UQCC3: variants seen among roughly 807,000 people sequenced by gnomAD.
UQCC3 encodes ubiquinol-cytochrome-c reductase complex assembly factor 3.
Under a neutral mutation model 3.4 loss-of-function variants are expected in UQCC3, and 3 were observed. The observed-to-expected ratio is 0.88, with a 90% CI of 0.40 to 2.26. The LOEUF (loss-of-function observed/expected upper bound fraction) is 2.26, where lower values mean the gene tolerates loss of function less well. Among genes scored for constraint, UQCC3 ranks in the 30% most tolerant of loss-of-function variants. UQCC3 has a pLI of 0.05. For missense variants in UQCC3, 141 were observed against 123.0 expected (o/e 1.15, Z -0.69); for synonymous variants, 57 against 57.1 (o/e 1.00, Z 0.00).
Position 62,671,812 on chromosome 11 carries a change from G to A in UQCC3, c.67G>A (p.Ala23Thr). 6.2e-7 allele frequency: 1 copy of A among 1,614,106 alleles called. No homozygotes were observed. Among genetic ancestry groups the A allele is most frequent in the South Asian group, 1.1e-5 (1 of 91,082 alleles). ...GGGCGCAGGGGCTGGCGTGGGCTAC[G>A]CGCTCCTCGTTATCGTGACCCCGGG... Reference protein sequence around the residue: ...MLGAGAGVGYALLVIVTPGER... With the variant: ...MLGAGAGVGYTLLVIVTPGER... Residue 23 changes from alanine to threonine, a missense_variant, in exon 1 of 2, where the codon GCG (alanine) becomes ACG (threonine). Ala to Thr is a moderately conservative substitution (Grantham distance 58). Transcript: ENST00000377953.
Position 62,672,245 on chromosome 11 carries a change from G to GCAGC in UQCC3, c.*132_*133insAGCC. On this transcript the variant is annotated 3_prime_UTR_variant, in exon 2 of 2. Transcript: ENST00000377953. ...GCCAGGACTCTCCGGGGTCCTGTGA[G>GCAGC]CTGCCGTCGGGTGAGCACGTTTCCC... 1.0e-6 allele frequency: 1 copy of GCAGC among 970,896 alleles called. No individual in the cohort carries two copies. Among genetic ancestry groups the GCAGC allele is most frequent in the Admixed American group, 2.5e-5 (1 of 39,616 alleles). The allele number at this position is 970,896 out of a possible 1,614,324, so 60.1% of individuals were successfully genotyped here.
In UQCC3 at chr11:62,672,179, T is replaced by C; in HGVS notation, c.*65T>C. The C allele has an allele frequency of 1.4e-6, 2 of 1,480,576 alleles. No homozygotes were observed. The highest frequency in any genetic ancestry group is 2.5e-5 in the South Asian group (2 of 80,158). 91.7% of individuals were successfully genotyped at this position (1,480,576 alleles called of 1,614,324 possible). A position where few individuals can be genotyped will look rare whatever the true frequency, so the allele number is the denominator to read the frequency against. ...GCGCAGGAATCCGAGGCAGCCTTTC[T>C]CCTTCGTGGGCCCAGCGGAGAGTCC... On this transcript the variant is annotated 3_prime_UTR_variant, in exon 2 of 2. Transcript: ENST00000377953.
In UQCC3 at chr11:62,671,863, A is replaced by C. The variant is rs772608580; in HGVS notation, c.118A>C (p.Lys40Gln). Residue 40 changes from lysine to glutamine, a missense_variant and splice_region_variant, in exon 1 of 2, where the codon AAG becomes CAG. Coordinates refer to ENST00000377953, the MANE Select transcript of UQCC3 (RefSeq NM_001085372.3). ...PGERRKQEML[K>Q]EMPLQDPRSR... ...AGAGCGGCGGAAGCAGGAAATGCTA[A>C]AGGTAGAAGCAACTGGTAGTCCCGA... The C allele has an allele frequency of 1.2e-6, 2 of 1,614,010 alleles. No homozygotes were observed. Among genetic ancestry groups the C allele is most frequent in the Non-Finnish European group, 1.7e-6 (2 of 1,179,990 alleles).
chr11:62,672,722 C>G lies in UQCC3; in HGVS notation c.*608C>G, dbSNP rs955053796. The G allele has an allele frequency of 3.3e-5, 5 of 152,780 alleles. No individual in the cohort carries two copies. Among genetic ancestry groups the G allele is most frequent in the African/African-American group, 1.2e-4 (5 of 41,418 alleles). 9.5% of individuals were successfully genotyped at this position (152,780 alleles called of 1,614,324 possible). ...TTCACCATGTTGGCTAGACTGGTCT[C>G]GAACTCCAGACCCAGGTGATCCGCC... On this transcript the variant is annotated 3_prime_UTR_variant, in exon 2 of 2. Coordinates refer to ENST00000377953, the MANE Select transcript of UQCC3 (RefSeq NM_001085372.3).
Position 62,673,498 on chromosome 11 carries a change from G to A in UQCC3, c.*1384G>A, listed in dbSNP as rs563907139. On this transcript the variant is annotated 3_prime_UTR_variant, in exon 2 of 2. Transcript: ENST00000377953. ...AAATGTAAAGTGGTCCCCAATCTCT[G>A]GATCTGGTCAGGATTTATTGGAGCT... 6.6e-6 allele frequency: 1 copy of A among 152,090 alleles called. No homozygotes were observed. Among genetic ancestry groups the A allele is most frequent in the Non-Finnish European group, 1.5e-5 (1 of 68,018 alleles). 9.4% of individuals were successfully genotyped at this position (152,090 alleles called of 1,614,324 possible).
In UQCC3 at chr11:62,671,805, G is replaced by C; in HGVS notation, c.60G>C (p.Val20=). Residue 20 remains valine (V), a synonymous_variant, in exon 1 of 2, where the codon GTG becomes GTC. Transcript: ENST00000377953. ...SVAMLGAGAG[V]GYALLVIVTP... is the part of the protein sequence containing the mutation. ...CAATGCTGGGCGCAGGGGCTGGCGTGGGCTACGCGCTCCTCGTTATCGTGA... is the reference window on the plus strand; with the variant it reads ...CAATGCTGGGCGCAGGGGCTGGCGTCGGCTACGCGCTCCTCGTTATCGTGA... The C allele has an allele frequency of 6.2e-7, 1 of 1,614,124 alleles. No individual in the cohort carries two copies. The highest frequency in any genetic ancestry group is 8.5e-7 in the Non-Finnish European group (1 of 1,180,028).
Position 62,672,060 on chromosome 11 carries a change from G to A in UQCC3, c.228G>A (p.Trp76Ter), listed in dbSNP as rs571957899. The A allele has an allele frequency of 1.1e-5, 17 of 1,609,134 alleles. No homozygotes were observed. Among genetic ancestry groups the A allele is most frequent in the Non-Finnish European group, 1.4e-5 (17 of 1,178,096 alleles). ...CGACCACGCAGGAGAACGTGGCCTG[G>A]AGGAAGAACTGGATGGTTGGCGGCG... Reference protein sequence around the residue: ...EAATTQENVAWRKNWMVGGEG... With the variant: ...EAATTQENVA The change falls in exon 2 of 2, where the codon TGG (tryptophan) becomes TGA (stop). Residue 76 changes from tryptophan to a stop codon, truncating the protein, a stop_gained. Transcript: ENST00000377953. LOFTEE classifies it high-confidence loss of function.
chr11:62,672,372 C>T lies in UQCC3; in HGVS notation c.*258C>T, dbSNP rs1263246109. ...AAGAACCAATAAAATCATGTTCCTC[C>T]ACCCAGAATGAGCCCTGCAGTCGAC... is the stretch of plus-strand genomic sequence containing the variant. On this transcript the variant is annotated 3_prime_UTR_variant, in exon 2 of 2. Coordinates refer to ENST00000377953, the MANE Select transcript of UQCC3 (RefSeq NM_001085372.3). The T allele has an allele frequency of 5.6e-6, 3 of 535,952 alleles. No homozygotes were observed. In the East Asian group the frequency reaches 1.0e-4, roughly 18 times the overall value. The allele number at this position is 535,952 out of a possible 1,614,324, so 33.2% of individuals were successfully genotyped here. A position where few individuals can be genotyped will look rare whatever the true frequency, so the allele number is the denominator to read the frequency against.
chr11:62,672,380 A>C lies in UQCC3; in HGVS notation c.*266A>C. The C allele has an allele frequency of 5.9e-6, 3 of 511,382 alleles. No homozygotes were observed. Among genetic ancestry groups the C allele is most frequent in the Non-Finnish European group, 1.1e-5 (3 of 282,414 alleles). 31.7% of individuals were successfully genotyped at this position (511,382 alleles called of 1,614,324 possible). On this transcript the variant is annotated 3_prime_UTR_variant, in exon 2 of 2. Transcript: ENST00000377953. ...ATAAAATCATGTTCCTCCACCCAGA[A>C]TGAGCCCTGCAGTCGACACCTACCA...
chr11:62,672,227 C>A lies in UQCC3; in HGVS notation c.*113C>A. 1 of 1,136,552 alleles carries A rather than the reference C, an allele frequency of 8.8e-7. No homozygotes were observed. The highest frequency in any genetic ancestry group is 1.2e-6 in the Non-Finnish European group (1 of 805,594). 70.4% of individuals were successfully genotyped at this position (1,136,552 alleles called of 1,614,324 possible). On this transcript the variant is annotated 3_prime_UTR_variant, in exon 2 of 2. Transcript: ENST00000377953. ...TCCGGACCGAGATACCATGCCAGGA[C>A]TCTCCGGGGTCCTGTGAGCTGCCGT...
rs774988039 is a variant in UQCC3 at position 62,671,767 on chromosome 11, C to T, written c.22C>T (p.Leu8=). 4 of 1,613,916 alleles carry T rather than the reference C, an allele frequency of 2.5e-6. No individual in the cohort carries two copies. Among genetic ancestry groups the T allele is most frequent in the Non-Finnish European group, 3.4e-6 (4 of 1,179,984 alleles). The change falls in exon 1 of 2, where the codon CTG becomes TTG. Residue 8 remains leucine, a synonymous_variant. Transcript: ENST00000377953. The part of the protein sequence containing the change: MDSLRKM[L]ISVAMLGAGA... Reference sequence around the variant, plus strand: ...GGCCATGGATTCCTTGCGGAAAATGCTGATCTCAGTCGCAATGCTGGGCGC... The same window carrying T: ...GGCCATGGATTCCTTGCGGAAAATGTTGATCTCAGTCGCAATGCTGGGCGC...
At position 62,673,055 on chromosome 11, in the gene UQCC3, T is replaced by G. The variant is rs1590856510; in HGVS notation, c.*941T>G. 1 of 150,882 alleles carries G rather than the reference T, an allele frequency of 6.6e-6. No homozygotes were observed. The highest frequency in any genetic ancestry group is 2.0e-4 in the East Asian group (1 of 5,082). 9.3% of individuals were successfully genotyped at this position (150,882 alleles called of 1,614,324 possible). On this transcript the variant is annotated 3_prime_UTR_variant, in exon 2 of 2. Coordinates refer to ENST00000377953, the MANE Select transcript of UQCC3 (RefSeq NM_001085372.3). ...CTCCTGACCTCAGGCAGTTCACCCG[T>G]CTCAGCCTCCCAAAGTGCTGGGATT...
At position 62,671,839 on chromosome 11, in the gene UQCC3, G is replaced by C. The variant is rs887046191; in HGVS notation, c.94G>C (p.Glu32Gln). Residue 32 changes from glutamate to glutamine, a missense_variant, in exon 1 of 2, where the codon GAG (glutamate) becomes CAG (glutamine). Transcript: ENST00000377953. ...GCTCCTCGTTATCGTGACCCCGGGA[G>C]AGCGGCGGAAGCAGGAAATGCTAAA... ...YALLVIVTPG[E>Q]RRKQEMLKEM... 3 of 1,614,054 alleles carry C rather than the reference G, an allele frequency of 1.9e-6. No individual in the cohort carries two copies. Among genetic ancestry groups the C allele is most frequent in the Non-Finnish European group, 2.5e-6 (3 of 1,180,044 alleles).
chr11:62,673,599 C>T lies in UQCC3; in HGVS notation c.*1485C>T, dbSNP rs1944976834. The T allele has an allele frequency of 6.6e-6, 1 of 151,764 alleles. No individual in the cohort carries two copies. Among genetic ancestry groups the T allele is most frequent in the Admixed American group, 6.6e-5 (1 of 15,204 alleles). The allele number at this position is 151,764 out of a possible 1,614,324, so 9.4% of individuals were successfully genotyped here. A position where few individuals can be genotyped will look rare whatever the true frequency, so the allele number is the denominator to read the frequency against. ...CCAAGTTGCTCCTCTTTTGTCTATC[C>T]TGTGGTTCCCAAGCAAGACTGCAAT... On this transcript the variant is annotated 3_prime_UTR_variant, in exon 2 of 2. Coordinates refer to ENST00000377953, the MANE Select transcript of UQCC3 (RefSeq NM_001085372.3).
chr11:62,671,871 A>G lies in UQCC3; in HGVS notation c.120+6A>G, dbSNP rs117938154. 1.5e-5 allele frequency: 25 copies of G among 1,613,952 alleles called. No homozygotes were observed. Among genetic ancestry groups the G allele is most frequent in the Non-Finnish European group, 2.0e-5 (24 of 1,179,928 alleles). On this transcript the variant is annotated splice_donor_region_variant and intron_variant, in intron 1 of 1. Coordinates refer to ENST00000377953, the MANE Select transcript of UQCC3 (RefSeq NM_001085372.3). Reference sequence around the variant, plus strand: ...GGAAGCAGGAAATGCTAAAGGTAGAAGCAACTGGTAGTCCCGAGGAAGGGT... The same window carrying G: ...GGAAGCAGGAAATGCTAAAGGTAGAGGCAACTGGTAGTCCCGAGGAAGGGT...
rs1944970525 is a variant in UQCC3, at chr11:62,672,986, T to A, written c.*872T>A. 6.6e-6 allele frequency: 1 copy of A among 152,040 alleles called. No homozygotes were observed. The highest frequency in any genetic ancestry group is 6.6e-5 in the Admixed American group (1 of 15,240). 9.4% of individuals were successfully genotyped at this position (152,040 alleles called of 1,614,324 possible). The stretch of plus-strand genomic sequence containing the variant: ...ACCACGCCCGGCTGATATTAGTAGT[T>A]TTAGTAGAGGCGGGTTTCACCATGT... On this transcript the variant is annotated 3_prime_UTR_variant, in exon 2 of 2. Transcript: ENST00000377953.
chr11:62,672,139 C>T lies in UQCC3; in HGVS notation c.*25C>T, dbSNP rs776650281. 5.2e-6 allele frequency: 8 copies of T among 1,549,558 alleles called. No homozygotes were observed. The highest frequency in any genetic ancestry group is 4.7e-5 in the South Asian group (4 of 84,754). ...AGACCGGACTTGCCTCCGTGGGCGC[C>T]GGACCTTGGCTTGGGCGCAGGAATC... On this transcript the variant is annotated 3_prime_UTR_variant, in exon 2 of 2. Coordinates refer to ENST00000377953, the MANE Select transcript of UQCC3 (RefSeq NM_001085372.3).
In UQCC3 at chr11:62,672,586, C is replaced by G. The variant is rs1203371183; in HGVS notation, c.*472C>G. ...GTGGCACGATCTCGGCTCACTGCAACCTCCGCCCCTGGGTTCCAGCAATTC... is the reference window on the plus strand; with the variant it reads ...GTGGCACGATCTCGGCTCACTGCAAGCTCCGCCCCTGGGTTCCAGCAATTC... On this transcript the variant is annotated 3_prime_UTR_variant, in exon 2 of 2. Transcript: ENST00000377953. The G allele has an allele frequency of 6.4e-6, 1 of 155,728 alleles. No homozygotes were observed. The highest frequency in any genetic ancestry group is 1.4e-5 in the Non-Finnish European group (1 of 71,840). The allele number at this position is 155,728 out of a possible 1,614,324, so 9.6% of individuals were successfully genotyped here. A position where few individuals can be genotyped will look rare whatever the true frequency, so the allele number is the denominator to read the frequency against.
chr11:62,672,308 G>T lies in UQCC3; in HGVS notation c.*194G>T. 1 of 622,750 alleles carries T rather than the reference G, an allele frequency of 1.6e-6. No individual in the cohort carries two copies. Among genetic ancestry groups the T allele is most frequent in the Non-Finnish European group, 2.8e-6 (1 of 359,172 alleles). The allele number at this position is 622,750 out of a possible 1,614,324, so 38.6% of individuals were successfully genotyped here. Reference sequence around the variant, plus strand: ...CTGACTGCTTTAAGGTCCGCAAGGCGGGCCAGGGCCGAGACGCGAGTCGGA... The same window carrying T: ...CTGACTGCTTTAAGGTCCGCAAGGCTGGCCAGGGCCGAGACGCGAGTCGGA... On this transcript the variant is annotated 3_prime_UTR_variant, in exon 2 of 2. Coordinates refer to ENST00000377953, the MANE Select transcript of UQCC3 (RefSeq NM_001085372.3).
Sources: allele counts gnomAD v4.1 joint callset, GRCh38; gene constraint gnomAD v4.1.1; transcripts MANE v1.5; gene names NCBI Gene and HGNC (gene_info 2026-07-23, HGNC 2026-07-21).